Variants in SHPRH observed in about 807,000 individuals in gnomAD.
SHPRH encodes E3 ubiquitin-protein ligase SHPRH.
In SHPRH, 106 loss-of-function variants were observed where a neutral mutation model predicts 202.5. That is an observed-to-expected ratio of 0.52 (90% CI 0.45 to 0.62). The LOEUF is 0.62. Ranked by LOEUF, SHPRH falls within the 20% of genes least tolerant of loss-of-function variation. The pLI, the probability that SHPRH is intolerant of heterozygous loss-of-function variation, is 0.00. For missense variants in SHPRH, 1,710 were observed against 2,020.0 expected (o/e 0.85, Z 2.94); for synonymous variants, 729 against 686.0 (o/e 1.06, Z -0.98).
chr6:145,953,292 T>G (rs1449775050), intron 2 of SHPRH, among the ~76,000 whole-genome samples: 1 of 152,088 alleles, frequency 6.6e-6, no homozygotes, highest in Non-Finnish European at 1.5e-5. Context: ...ACTGCTAGTA[T>G]TCTGTCTTGG....
At position 145,935,341 on chromosome 6, in the gene SHPRH, C is replaced by T. The variant is rs550216697; in HGVS notation, c.2670G>A (p.Gln890=). The change falls in exon 12 of 30, where the codon CAG becomes CAA. Residue 890 remains glutamine, a synonymous_variant. Coordinates refer to ENST00000275233, the MANE Select transcript of SHPRH (RefSeq NM_001042683.3). ...TCTTGGCAATAAAGCTGTAGAGATG[C>T]TGAGGATTCTTCTTGCAGTAAGGCC... is the stretch of plus-strand genomic sequence containing the variant. ...LYRPYCKKNP[Q]HLYSFIAKIL... is the part of the protein sequence containing the mutation. 29 of 1,613,904 alleles carry T rather than the reference C, an allele frequency of 1.8e-5. No homozygotes were observed. Among genetic ancestry groups the T allele is most frequent in the Non-Finnish European group, 2.4e-5 (28 of 1,180,004 alleles).
At chr6:145,897,068 A>C (rs1026618180) in intron 25 of SHPRH, among the ~76,000 whole-genome samples, 6 of 151,986 alleles carry the variant, frequency 3.9e-5, no homozygotes, top group Non-Finnish European at 8.8e-5. Context: ...TAAATAAAAT[A>C]GAGATCAGAA....
intron 14 of SHPRH, among the ~76,000 whole-genome samples, chr6:145,931,262 A>G (rs1285281000): frequency 1.3e-5 from 2 of 151,650 alleles, no homozygotes; most frequent in African/African-American, 4.8e-5. Flanking sequence ...TTTTAAATCT[A>G]CCATCTTGCT....
intron 2 of SHPRH, among the ~76,000 whole-genome samples, chr6:145,875,359 T>C (rs780905159): frequency 1.3e-4 from 20 of 152,320 alleles, no homozygotes; most frequent in Admixed American, 5.2e-4. Context: ...GAAGAAAGAA[T>C]TGCCTGGCCC....
At chr6:145,934,847 C>T in intron 13 of SHPRH, 60 bp downstream of exon 13, 1 of 1,477,684 alleles carries the variant, frequency 6.8e-7, no homozygotes, top group Non-Finnish European at 9.1e-7. Context: ...AAACCGTGGG[C>T]CTGAAATATT....
At chr6:145,908,600 T>A (rs754603737) in intron 25 of SHPRH, 1 of 152,100 alleles carries the variant, frequency 6.6e-6, no homozygotes, top group African/African-American at 2.4e-5. Flanking sequence ...CAATTTTTGA[T>A]GGGGTTGTTT....
At chr6:145,903,048 G>T (rs1782637704) in intron 25 of SHPRH, among the ~76,000 whole-genome samples, 2 of 151,740 alleles carry the variant, frequency 1.3e-5, no homozygotes, top group South Asian at 4.2e-4. Context: ...AATAGAAATG[G>T]TATTTTTTTT....
chr6:145,864,021 G>A (rs1779664786), downstream of SHPRH, among the ~76,000 whole-genome samples: 1 of 152,116 alleles, frequency 6.6e-6, no homozygotes, highest in South Asian at 2.1e-4. Flanking sequence ...TGTCTGGCTT[G>A]TGCTGTGGTC....
intron 28 of SHPRH, among the ~76,000 whole-genome samples, chr6:145,889,803 T>C (rs1156711597): frequency 6.6e-6 from 1 of 152,006 alleles, no homozygotes; most frequent in Non-Finnish European, 1.5e-5. Flanking sequence ...CCTTGAAAAA[T>C]GAGAAAGAAT....
At chr6:145,879,383 T>C (rs1038884907) in intron 2 of SHPRH, among the ~76,000 whole-genome samples, 1 of 152,124 alleles carries the variant, frequency 6.6e-6, no homozygotes, top group Admixed American at 6.5e-5. Flanking sequence ...CTTAACACCA[T>C]ATATTTTGGG....
chr6:145,941,337 A>G (rs906091255), intron 10 of SHPRH, among the ~76,000 whole-genome samples: 4 of 152,242 alleles, frequency 2.6e-5, no homozygotes, highest in African/African-American at 9.6e-5. Context: ...TGCTTACAGA[A>G]GTTCCTAAAC....
At chr6:145,954,495 G>C (rs1788295702) in intron 2 of SHPRH, among the ~76,000 whole-genome samples, 195 bp downstream of exon 2, 1 of 152,132 alleles carries the variant, frequency 6.6e-6, no homozygotes, top group Non-Finnish European at 1.5e-5. Flanking sequence ...AGAGATGGAA[G>C]ATCTTGAAAA....
chr6:145,884,003 C>T (rs1251681210), downstream of SHPRH: 5 of 152,112 alleles, frequency 3.3e-5, no homozygotes, highest in African/African-American at 1.2e-4. Flanking sequence ...ATAACTTAAG[C>T]ACATTGGAAG....
In SHPRH at chr6:145,876,859, G is replaced by C. The variant is rs182947777; in HGVS notation, c.221+11161C>G. 14 of 152,328 alleles carry C rather than the reference G, an allele frequency of 9.2e-5. 1 individual carries two copies. The East Asian group carries it at 2.7e-3, about 29-fold the overall frequency. 9.4% of individuals were successfully genotyped at this position (152,328 alleles called of 1,614,324 possible). The stretch of plus-strand genomic sequence containing the variant: ...ATAGTGTCCTTATAAAAAGCCATCA[G>C]GGGCCTGTCCGCACAGGGAAACACC... On this transcript the variant is annotated intron_variant, in intron 2 of 2. Coordinates refer to the SHPRH transcript ENST00000417762.
chr6:145,895,396 CA>C (rs1390603793), intron 25 of SHPRH, among the ~76,000 whole-genome samples: 3 of 151,986 alleles, frequency 2.0e-5, no homozygotes, highest in Non-Finnish European at 4.4e-5. Flanking sequence ...TCAAAACTCC[CA>C]ATGTAAGCAA....
chr6:145,910,382 A>T, intron 25 of SHPRH, 66 bp downstream of exon 25: 2 of 1,544,612 alleles, frequency 1.3e-6, no homozygotes, highest in Non-Finnish European at 1.8e-6. Context: ...TGCTTTCTTA[A>T]TCAGATACTG....
intron 25 of SHPRH, chr6:145,906,672 T>C (rs1782989103): frequency 6.6e-6 from 1 of 152,148 alleles, no homozygotes; most frequent in Non-Finnish European, 1.5e-5. Flanking sequence ...TCTGTTTTCA[T>C]AGGTTCTGGT....
In SHPRH at chr6:145,935,420, A is replaced by C; in HGVS notation, c.2591T>G (p.Phe864Cys). 1 of 1,613,980 alleles carries C rather than the reference A, an allele frequency of 6.2e-7. No homozygotes were observed. The highest frequency in any genetic ancestry group is 8.5e-7 in the Non-Finnish European group (1 of 1,179,958). Residue 864 changes from phenylalanine (F) to cysteine (C), a missense_variant, in exon 12 of 30, where the codon TTT (phenylalanine) becomes TGT (cysteine). Phe to Cys is a radical substitution (Grantham distance 205). Transcript: ENST00000275233. ...GLEDLFGLVV[F>C]LGIEPYCVKH... ...GACACAGTAAGGTTCAATACCAAGA[A>C]AGACCACTAACCCAAAAAGATCTGA...
At chr6:145,937,254 G>C (rs904190386) in intron 11 of SHPRH, among the ~76,000 whole-genome samples, 1 of 152,094 alleles carries the variant, frequency 6.6e-6, no homozygotes, top group African/African-American at 2.4e-5. Flanking sequence ...AAAGTGCTGG[G>C]ATTAGAAGTG....
Sources: gnomAD v4.1 joint callset for allele counts (sites outside exome capture counted in the v4.1 genomes callset) on GRCh38, gnomAD v4.1.1 for gene constraint, MANE v1.5 for transcripts, NCBI Gene and HGNC (gene_info 2026-07-23, HGNC 2026-07-21) for gene names.